Variants in CHN2 observed in about 807,000 individuals in gnomAD.
CHN2 encodes the protein beta-chimaerin.
CHN2 carries 35 observed loss-of-function variants against 56.3 expected under a neutral mutation model. The observed-to-expected ratio is 0.62, with a 90% CI of 0.47 to 0.82. The LOEUF is 0.82. CHN2 is among the 40% of genes least tolerant of loss of function. CHN2 has a pLI of 0.00. For synonymous variants in CHN2, 210 were observed against 212.8 expected, an observed-to-expected ratio of 0.99 and a Z score of 0.12; for missense variants, 491 against 580.5, an observed-to-expected ratio of 0.85 and a Z score of 1.58.
chr7:29,306,157 T>C (rs1310646602), intron 1 of CHN2, among the ~76,000 whole-genome samples: 1 of 152,186 alleles, frequency 6.6e-6, no homozygotes, highest in African/African-American at 2.4e-5. Context: ...TGGTATGTGA[T>C]TATTCATTGA....
At chr7:29,297,707 C>G (rs947301789) in intron 1 of CHN2, among the ~76,000 whole-genome samples, 1 of 151,910 alleles carries the variant, frequency 6.6e-6, no homozygotes, top group Non-Finnish European at 1.5e-5. Context: ...TCTGGGTTCC[C>G]TCCCCACCGA....
At chr7:29,395,076 G>A (rs915877770) in intron 4 of CHN2, among the ~76,000 whole-genome samples, 1 of 152,074 alleles carries the variant, frequency 6.6e-6, no homozygotes, top group South Asian at 2.1e-4. Context: ...TTCAGGAAAC[G>A]CACATACACA....
intron 1 of CHN2, chr7:29,212,937 C>A (rs1173536925): frequency 6.5e-7 from 1 of 1,547,442 alleles, no homozygotes; most frequent in Admixed American, 1.8e-5. Context: ...CCCAGAACAT[C>A]TAGTGCTGGA....
At chr7:29,204,010 A>G (rs1178334314) in intron 1 of CHN2, among the ~76,000 whole-genome samples, 1 of 151,874 alleles carries the variant, frequency 6.6e-6, no homozygotes, top group Non-Finnish European at 1.5e-5. Context: ...AAAGCCTGCA[A>G]TGCTATGAAG....
intron 1 of CHN2, among the ~76,000 whole-genome samples, chr7:29,221,323 AG>A (rs1785774933): frequency 6.6e-6 from 1 of 152,262 alleles, no homozygotes; most frequent in South Asian, 2.1e-4. Context: ...GACTTTAACA[AG>A]AATGCTGGAT....
intron 1 of CHN2, among the ~76,000 whole-genome samples, chr7:29,285,723 A>G (rs1792092392): frequency 6.6e-6 from 1 of 152,226 alleles, no homozygotes; most frequent in Non-Finnish European, 1.5e-5. Context: ...GTGTCTCATC[A>G]GGGATCTGGT....
chr7:29,402,708 C>CT (rs956242244), intron 6 of CHN2, among the ~76,000 whole-genome samples: 2 of 152,166 alleles, frequency 1.3e-5, no homozygotes, highest in African/African-American at 4.8e-5. Flanking sequence ...AGGAGTGTCT[C>CT]TTCTGTGTTA....
intron 6 of CHN2, among the ~76,000 whole-genome samples, chr7:29,429,594 C>T (rs1344916143): frequency 6.6e-6 from 1 of 152,184 alleles, no homozygotes; most frequent in Non-Finnish European, 1.5e-5. Flanking sequence ...CACACACACA[C>T]ACCCATACTT....
Position 29,436,022 on chromosome 7 carries a change from G to C in CHN2, c.576+35194G>C, listed in dbSNP as rs534025411. On this transcript the variant is annotated intron_variant, in intron 6 of 12. Coordinates refer to ENST00000222792, the MANE Select transcript of CHN2 (RefSeq NM_004067.4). ...AAGCAGTCTTCTCTCACTAGATTTT[G>C]CTTGCCCTAAAGATGCAACATCTGC... is the stretch of plus-strand genomic sequence containing the variant. Among the ~76,000 whole-genome samples, 23 of 150,340 alleles carry C rather than the reference G, an allele frequency of 1.5e-4. No individual in the cohort carries two copies. The South Asian group carries it at 4.9e-3, about 32-fold the overall frequency.
intron 6 of CHN2, among the ~76,000 whole-genome samples, chr7:29,451,890 T>C (rs1184526044): frequency 6.6e-6 from 1 of 152,176 alleles, no homozygotes; most frequent in East Asian, 1.9e-4. Context: ...TGACATCTCA[T>C]GGACCTCCTA....
At chr7:29,204,065 CTCTGTGTGTGTGTGTGTGTG>C (rs1470577781) in intron 1 of CHN2, among the ~76,000 whole-genome samples, 8 of 135,916 alleles carry the variant, frequency 5.9e-5, no homozygotes, top group South Asian at 2.4e-4. Context: ...TTTTCTCTCT[CTCTGTGTGTGTGTGTGTGTG>C]TGTGTGTGTG....
intron 1 of CHN2, among the ~76,000 whole-genome samples, chr7:29,307,240 A>T (rs1027740952): frequency 1.3e-5 from 2 of 152,224 alleles, no homozygotes; most frequent in East Asian, 3.8e-4. Flanking sequence ...AAGCCTAATA[A>T]AAAAGCTAAT....
intron 12 of CHN2, 59 bp from the exon 13 acceptor site, chr7:29,512,505 T>G: frequency 6.9e-7 from 1 of 1,443,710 alleles, no homozygotes; most frequent in Non-Finnish European, 9.4e-7. Context: ...ACATAATCAA[T>G]ACATAAAATC....
chr7:29,369,883 A>G (rs77467070), intron 3 of CHN2, among the ~76,000 whole-genome samples: 4,500 of 152,226 alleles, frequency 0.03, 233 homozygotes, highest in African/African-American at 0.1. Context: ...CATGCTCTTC[A>G]CCTTTTGACC....
intron 3 of CHN2, among the ~76,000 whole-genome samples, chr7:29,379,213 A>G (rs1800304987): frequency 6.6e-6 from 1 of 152,232 alleles, no homozygotes; most frequent in Non-Finnish European, 1.5e-5. Flanking sequence ...AGCAGTTACA[A>G]GACGCAGGTG....
chr7:29,406,128 T>C (rs7804389), intron 6 of CHN2, among the ~76,000 whole-genome samples: 133,273 of 152,226 alleles, frequency 0.88, 58,742 homozygotes, highest in Non-Finnish European at 0.93. Flanking sequence ...GCTTTTTCTC[T>C]AGGACAGAGT....
chr7:29,225,162 G>A (rs1786091495), intron 1 of CHN2, among the ~76,000 whole-genome samples: 1 of 152,150 alleles, frequency 6.6e-6, no homozygotes, highest in South Asian at 2.1e-4. Context: ...AAAACAGATA[G>A]AATATGAATG....
chr7:29,301,807 T>C (rs1181547957), intron 1 of CHN2, among the ~76,000 whole-genome samples: 2 of 152,224 alleles, frequency 1.3e-5, no homozygotes, highest in African/African-American at 4.8e-5. Context: ...CCTCCCCCTT[T>C]CTCTTCAAAT....
intron 2 of CHN2, among the ~76,000 whole-genome samples, chr7:29,172,683 C>A (rs1017632500): frequency 2.6e-5 from 4 of 152,088 alleles, no homozygotes; most frequent in African/African-American, 9.7e-5. Flanking sequence ...TTAACCATTG[C>A]TTTTTGACAT....
Sources: gnomAD v4.1 joint callset for allele counts (sites outside exome capture counted in the v4.1 genomes callset) on GRCh38, gnomAD v4.1.1 for gene constraint, MANE v1.5 for transcripts, NCBI Gene and HGNC (gene_info 2026-07-23, HGNC 2026-07-21) for gene names.